The following MFHAS1 variants were observed in gnomAD, a reference collection of about 807,000 sequenced individuals.
MFHAS1 encodes multifunctional ROCO family signaling regulator 1, also known as malignant fibrous histiocytoma-amplified sequence 1.
A neutral mutation model predicts 70.4 loss-of-function variants in MFHAS1; 50 were observed. The observed-to-expected ratio is 0.71, with a 90% CI of 0.57 to 0.90. MFHAS1 has a LOEUF of 0.90. Among genes scored for constraint, MFHAS1 ranks in the 40% least tolerant of loss-of-function variants. The pLI is 0.00. For synonymous variants in MFHAS1, 952 were observed against 620.0 expected (o/e 1.54, Z -7.96); for missense variants, 1,795 against 1,347.6 (o/e 1.33, Z -5.20).
chr8:8,852,240 G>A (rs1013681197), intron 1 of MFHAS1, among the ~76,000 whole-genome samples: 1 of 152,146 alleles, frequency 6.6e-6, no homozygotes, highest in Non-Finnish European at 1.5e-5. Context: ...TTGGGAAGCC[G>A]AGGCGGGCAG....
chr8:8,856,923 T>C (rs1346444666), intron 1 of MFHAS1, among the ~76,000 whole-genome samples: 2 of 141,302 alleles, frequency 1.4e-5, no homozygotes, highest in Admixed American at 7.7e-5. Context: ...GAGAAATATA[T>C]TCTAGTTCTC....
chr8:8,889,111 C>T (rs980786252), intron 1 of MFHAS1, among the ~76,000 whole-genome samples: 6 of 149,740 alleles, frequency 4.0e-5, no homozygotes, highest in Non-Finnish European at 5.9e-5. Flanking sequence ...AAAAAGAAAA[C>T]GAAAAAAAAG....
intron 2 of MFHAS1, among the ~76,000 whole-genome samples, chr8:8,788,312 G>C (rs1165740191): frequency 6.6e-6 from 1 of 152,226 alleles, no homozygotes; most frequent in Non-Finnish European, 1.5e-5. Flanking sequence ...TGATGGGTCA[G>C]ATGTGATGAA....
At chr8:8,817,043 T>C (rs1806772919) in intron 1 of MFHAS1, among the ~76,000 whole-genome samples, 2 of 152,130 alleles carry the variant, frequency 1.3e-5, no homozygotes, top group African/African-American at 4.8e-5. Context: ...CCCCTCGAAA[T>C]GTCAAAGAGA....
At chr8:8,799,198 A>G (rs928735188) in intron 1 of MFHAS1, among the ~76,000 whole-genome samples, 5 of 152,226 alleles carry the variant, frequency 3.3e-5, no homozygotes, top group Non-Finnish European at 4.4e-5. Flanking sequence ...GTTTTTGCCT[A>G]TAAGTAGATA....
At chr8:8,873,866 A>C (rs1809186200) in intron 1 of MFHAS1, among the ~76,000 whole-genome samples, 1 of 152,194 alleles carries the variant, frequency 6.6e-6, no homozygotes, top group Non-Finnish European at 1.5e-5. Context: ...CCACTGTTTT[A>C]TTTTGATCAG....
At chr8:8,835,813 T>C (rs546241491) in intron 1 of MFHAS1, among the ~76,000 whole-genome samples, 1 of 152,368 alleles carries the variant, frequency 6.6e-6, no homozygotes, top group Admixed American at 6.5e-5. Flanking sequence ...CCTCTTGTGA[T>C]TATTTAGAAC....
intron 1 of MFHAS1, among the ~76,000 whole-genome samples, chr8:8,866,781 T>C (rs1585060589): frequency 6.6e-6 from 1 of 152,224 alleles, no homozygotes; most frequent in Non-Finnish European, 1.5e-5. Context: ...ACGGTTCATA[T>C]GACTACTTGG....
At chr8:8,881,079 C>T (rs1585070032) in intron 1 of MFHAS1, among the ~76,000 whole-genome samples, 2 of 152,292 alleles carry the variant, frequency 1.3e-5, no homozygotes, top group Admixed American at 1.3e-4. Context: ...CCTCTGCCCA[C>T]ATTCTTCTCC....
chr8:8,840,489 T>C (rs1374920115), intron 1 of MFHAS1, among the ~76,000 whole-genome samples: 1 of 149,018 alleles, frequency 6.7e-6, no homozygotes. Flanking sequence ...AAAAGAATGG[T>C]TCATTACCAT....
chr8:8,790,419 G>C, intron 2 of MFHAS1: 3 of 979,254 alleles, frequency 3.1e-6, no homozygotes, highest in Non-Finnish European at 3.6e-6. Flanking sequence ...AATTTTCCAA[G>C]AAAGTATGAA....
At chr8:8,813,647 A>G (rs1364882454) in intron 1 of MFHAS1, among the ~76,000 whole-genome samples, 2 of 152,226 alleles carry the variant, frequency 1.3e-5, no homozygotes, top group Non-Finnish European at 2.9e-5. Flanking sequence ...ATATTTTTGT[A>G]CAGCTGTACA....
At chr8:8,868,163 G>A (rs1203685934) in intron 1 of MFHAS1, among the ~76,000 whole-genome samples, 1 of 151,916 alleles carries the variant, frequency 6.6e-6, no homozygotes, top group Admixed American at 6.6e-5. Context: ...TCTCCCAGGT[G>A]CTTATTCCTT....
rs943722319 is a variant in MFHAS1, at chr8:8,871,405, C to G, written c.2998+18656G>C. ...TTTCTACTAAAAATACAAAAATTAG[C>G]TGGGCATGGTGGCACATGCCTGTAA... On this transcript the variant is annotated intron_variant, in intron 1 of 2. Coordinates refer to ENST00000276282, the MANE Select transcript of MFHAS1 (RefSeq NM_004225.3). 2.0e-5 allele frequency among the ~76,000 whole-genome samples: 3 copies of G among 152,242 alleles called. 1 individual carries two copies. The highest frequency in any genetic ancestry group is 4.1e-4 in the South Asian group (2 of 4,826).
chr8:8,889,942 C>G (rs141927559), intron 1 of MFHAS1, 119 bp downstream of exon 1: 12 of 827,020 alleles, frequency 1.5e-5, no homozygotes, highest in African/African-American at 5.2e-5. Flanking sequence ...GTTTCCCTTA[C>G]GAAGCTTTCC....
At chr8:8,865,196 G>A (rs117918325) in intron 1 of MFHAS1, among the ~76,000 whole-genome samples, 174 of 140,690 alleles carry the variant, frequency 1.2e-3, no homozygotes, top group Non-Finnish European at 2.2e-3. Context: ...AGAATCGCTC[G>A]AACCCAGGAG....
intron 2 of MFHAS1, among the ~76,000 whole-genome samples, chr8:8,789,526 C>T (rs539713360): frequency 1.3e-5 from 2 of 152,238 alleles, no homozygotes; most frequent in East Asian, 3.9e-4. Flanking sequence ...TTGAAATCTG[C>T]CCTTCCAGGA....
At chr8:8,888,848 T>G (rs1238701204) in intron 1 of MFHAS1, among the ~76,000 whole-genome samples, 1 of 152,082 alleles carries the variant, frequency 6.6e-6, no homozygotes, top group Non-Finnish European at 1.5e-5. Context: ...AACTATGACC[T>G]TTGGCTGGTA....
chr8:8,857,227 C>T (rs774237276), intron 1 of MFHAS1, among the ~76,000 whole-genome samples: 56 of 152,144 alleles, frequency 3.7e-4, no homozygotes, highest in Non-Finnish European at 6.2e-4. Context: ...ATAAATTCCG[C>T]GTGTGGCCCT....
Sources: allele counts gnomAD v4.1 joint callset (sites outside exome capture counted in the v4.1 genomes callset), GRCh38; gene constraint gnomAD v4.1.1; transcripts MANE v1.5; gene names NCBI Gene and HGNC (gene_info 2026-07-23, HGNC 2026-07-21).